Variants in SLC39A8 observed in about 807,000 individuals in gnomAD.
SLC39A8 encodes solute carrier family 39 member 8.
In SLC39A8, 15 loss-of-function variants were observed where a neutral mutation model predicts 40.4. The observed-to-expected ratio is 0.37, with a 90% CI of 0.25 to 0.57. The LOEUF is 0.57. Among genes scored for constraint, SLC39A8 ranks in the 20% least tolerant of loss-of-function variants. The probability of loss-of-function intolerance (pLI) is 0.75; values close to 1 mark genes in which losing one functional copy is unlikely to be tolerated. For synonymous variants in SLC39A8, 223 were observed against 221.6 expected (o/e 1.01, Z -0.06); for missense variants, 472 against 558.8 (o/e 0.84, Z 1.57).
chr4:102,270,364 A>C (rs1045209763), intron 6 of SLC39A8, among the ~76,000 whole-genome samples: 1 of 152,198 alleles, frequency 6.6e-6, no homozygotes, highest in Non-Finnish European at 1.5e-5. Context: ...ACTGTTGAGC[A>C]GGTAAGAGTT....
intron 2 of SLC39A8, among the ~76,000 whole-genome samples, chr4:102,336,727 C>T (rs1648268826): frequency 6.6e-6 from 1 of 152,140 alleles, no homozygotes; most frequent in African/African-American, 2.4e-5. Context: ...TTAAACAAGG[C>T]TCCATTCTGA....
At chr4:102,290,984 T>C (rs1410999887) in intron 6 of SLC39A8, among the ~76,000 whole-genome samples, 1 of 152,078 alleles carries the variant, frequency 6.6e-6, no homozygotes, top group Non-Finnish European at 1.5e-5. Context: ...CTCCATAAGA[T>C]ATCCCTACCA....
downstream of SLC39A8, among the ~76,000 whole-genome samples, chr4:102,259,943 G>A (rs1004390722): frequency 2.0e-5 from 3 of 152,132 alleles, no homozygotes; most frequent in African/African-American, 4.8e-5. Flanking sequence ...TTTTGTTTCC[G>A]TTTCCTTAGA....
intron 6 of SLC39A8, among the ~76,000 whole-genome samples, chr4:102,268,942 G>A (rs918947676): frequency 6.6e-6 from 1 of 152,140 alleles, no homozygotes; most frequent in African/African-American, 2.4e-5. Flanking sequence ...TCATTTTTAA[G>A]TACAAAAGCA....
Position 102,288,530 on chromosome 4 carries a change from A to C in SLC39A8, c.840+15787T>G, listed in dbSNP as rs1733286073. 2.6e-5 allele frequency among the ~76,000 whole-genome samples: 4 copies of C among 152,162 alleles called. No homozygotes were observed. The South Asian group carries it at 8.3e-4, about 32-fold the overall frequency. On this transcript the variant is annotated intron_variant, in intron 6 of 8. Coordinates refer to ENST00000356736, the MANE Select transcript of SLC39A8 (RefSeq NM_001135146.2). ...TAAAATCAAAAGATAGAAATGATTA[A>C]ACTTAGTGAGGAAAACATGTCAAAA...
Position 102,326,067 on chromosome 4 carries a change from T to C in SLC39A8, c.220-10237A>G, listed in dbSNP as rs76405177. On this transcript the variant is annotated intron_variant, in intron 2 of 8. Coordinates refer to ENST00000356736, the MANE Select transcript of SLC39A8 (RefSeq NM_001135146.2). Reference sequence around the variant, plus strand: ...ATCTAGATCCTTCGCTTCCCACCCCTGACATGTCTTCAGGGGGCAGAGGCC... The same window carrying C: ...ATCTAGATCCTTCGCTTCCCACCCCCGACATGTCTTCAGGGGGCAGAGGCC... 6.3e-3 allele frequency among the ~76,000 whole-genome samples: 962 copies of C among 152,286 alleles called. 8 individuals carry two copies. The highest frequency in any genetic ancestry group is 0.022 in the African/African-American group (915 of 41,558).
In SLC39A8 at chr4:102,344,594, C is replaced by T; in HGVS notation, c.69G>A (p.Glu23=). The T allele has an allele frequency of 6.5e-7, 1 of 1,544,228 alleles. No homozygotes were observed. Among genetic ancestry groups the T allele is most frequent in the Non-Finnish European group, 8.7e-7 (1 of 1,144,950 alleles). The change falls in exon 2 of 9, where the codon GAG becomes GAA. Residue 23 remains glutamate, a synonymous_variant. Coordinates refer to ENST00000356736, the MANE Select transcript of SLC39A8 (RefSeq NM_001135146.2). ...LAAAGLGGVA[E]GPGLAFSEDV... is the part of the protein sequence containing the mutation. Reference sequence around the variant, plus strand: ...CCTCGCTGAAGGCTAGCCCTGGCCCCTCCGCCACTCCTCCGAGGCCGGCGG... The same window carrying T: ...CCTCGCTGAAGGCTAGCCCTGGCCCTTCCGCCACTCCTCCGAGGCCGGCGG...
At chr4:102,339,948 C>T (rs918118683) in intron 2 of SLC39A8, among the ~76,000 whole-genome samples, 1 of 152,134 alleles carries the variant, frequency 6.6e-6, no homozygotes, top group Non-Finnish European at 1.5e-5. Context: ...ATTTATATCC[C>T]ACTGCTCAAG....
intron 6 of SLC39A8, among the ~76,000 whole-genome samples, chr4:102,292,318 AATT>A (rs1042772383): frequency 3.9e-5 from 6 of 152,248 alleles, no homozygotes; most frequent in African/African-American, 1.2e-4. Flanking sequence ...AAATATATGC[AATT>A]ATTATTTGTC....
intron 6 of SLC39A8, among the ~76,000 whole-genome samples, chr4:102,285,346 T>C (rs554668228): frequency 6.7e-6 from 1 of 148,664 alleles, no homozygotes; most frequent in Non-Finnish European, 1.5e-5. Flanking sequence ...ATTAATTGAA[T>C]TGAGAGCCTT....
chr4:102,259,445 T>C, downstream of SLC39A8: 1 of 1,530,252 alleles, frequency 6.5e-7, no homozygotes, highest in Non-Finnish European at 8.9e-7. Context: ...TTGTTCCTTG[T>C]TATTCTTACC....
chr4:102,341,095 T>C (rs2149057807), intron 2 of SLC39A8, among the ~76,000 whole-genome samples: 1 of 152,266 alleles, frequency 6.6e-6, no homozygotes, highest in African/African-American at 2.4e-5. Flanking sequence ...TGGAGGCTTT[T>C]TGAAAGAGTG....
chr4:102,329,705 A>T (rs1735365810), intron 2 of SLC39A8, among the ~76,000 whole-genome samples: 1 of 151,554 alleles, frequency 6.6e-6, no homozygotes, highest in African/African-American at 2.4e-5. Context: ...AGAACTCTCC[A>T]CCCCAAATCA....
chr4:102,281,394 A>G (rs1732863258), intron 6 of SLC39A8, among the ~76,000 whole-genome samples: 1 of 152,188 alleles, frequency 6.6e-6, no homozygotes, highest in African/African-American at 2.4e-5. Flanking sequence ...GCTGCCTGTC[A>G]TGTCTTAACA....
rs1428192079 is a variant in SLC39A8, at chr4:102,344,627, C to T, written c.36G>A (p.Leu12=). The part of the protein sequence containing the change: ...APGRAVAGLL[L]LAAAGLGGVA... ...CTCCTCCGAGGCCGGCGGCCGCCAG[C>T]AACAGGAGCCCGGCCACCGCGCGAC... is the stretch of plus-strand genomic sequence containing the variant. Residue 12 remains leucine, a synonymous_variant, in exon 2 of 9, where the codon TTG becomes TTA. Coordinates refer to ENST00000356736, the MANE Select transcript of SLC39A8 (RefSeq NM_001135146.2). The T allele has an allele frequency of 6.5e-7, 1 of 1,539,472 alleles. No individual in the cohort carries two copies.
chr4:102,339,321 G>C (rs1330182499), intron 2 of SLC39A8, among the ~76,000 whole-genome samples: 1 of 150,188 alleles, frequency 6.7e-6, no homozygotes, highest in African/African-American at 2.4e-5. Context: ...AGCACATAAA[G>C]GGGAAAAAAA....
intron 2 of SLC39A8, among the ~76,000 whole-genome samples, chr4:102,343,926 C>T (rs946223627): frequency 6.6e-6 from 1 of 152,168 alleles, no homozygotes; most frequent in Non-Finnish European, 1.5e-5. Context: ...CAAGGCCGCC[C>T]CTGTTTCAGC....
chr4:102,286,682 T>C (rs1733198216), intron 6 of SLC39A8, among the ~76,000 whole-genome samples: 1 of 152,102 alleles, frequency 6.6e-6, no homozygotes, highest in Non-Finnish European at 1.5e-5. Flanking sequence ...GCCAAAAAAA[T>C]TGTTTCAAAA....
intron 6 of SLC39A8, among the ~76,000 whole-genome samples, chr4:102,293,482 G>T (rs1733542176): frequency 6.6e-6 from 1 of 151,858 alleles, no homozygotes; most frequent in Non-Finnish European, 1.5e-5. Context: ...AAGTCCAAAA[G>T]AATAAACAAA....
Sources: allele counts gnomAD v4.1 joint callset (sites outside exome capture counted in the v4.1 genomes callset), GRCh38; gene constraint gnomAD v4.1.1; transcripts MANE v1.5; gene names NCBI Gene and HGNC (gene_info 2026-07-23, HGNC 2026-07-21).